The following UBR3 variants were observed in gnomAD, a reference collection of about 807,000 sequenced individuals.
The protein encoded by UBR3 is ubiquitin protein ligase E3 component n-recognin 3, also known as E3 ubiquitin-protein ligase UBR3.
Under a neutral mutation model 243.2 loss-of-function variants are expected in UBR3, and 85 were observed. That is an observed-to-expected ratio of 0.35 (90% CI 0.29 to 0.42). UBR3 has a LOEUF of 0.42. UBR3 is among the 10% of genes least tolerant of loss of function. The probability of loss-of-function intolerance (pLI) is 1.00; values close to 1 mark genes in which losing one functional copy is unlikely to be tolerated. For missense variants in UBR3, 1,686 were observed against 2,300.8 expected (o/e 0.73, Z 5.47); for synonymous variants, 748 against 799.8 (o/e 0.94, Z 1.09).
At chr2:169,906,272 T>G in intron 10 of UBR3, 108 bp downstream of exon 10, 1 of 1,282,892 alleles carries the variant, frequency 7.8e-7, no homozygotes, top group African/African-American at 1.5e-5. Context: ...TGTTTCAAAT[T>G]GAATTCAGCT....
chr2:169,935,270 A>G (rs1353763238), intron 19 of UBR3, among the ~76,000 whole-genome samples: 1 of 152,146 alleles, frequency 6.6e-6, no homozygotes, highest in African/African-American at 2.4e-5. Flanking sequence ...GACTCAAGTG[A>G]TCTTCCCATC....
intron 36 of UBR3, chr2:170,077,630 G>C: frequency 2.2e-6 from 1 of 453,844 alleles, no homozygotes; most frequent in Non-Finnish European, 3.9e-6. Flanking sequence ...CTGTTGCCCA[G>C]GCTTGAGTGC....
intron 35 of UBR3, among the ~76,000 whole-genome samples, chr2:170,064,229 G>C (rs558605720): frequency 2.6e-5 from 4 of 152,180 alleles, no homozygotes; most frequent in South Asian, 4.2e-4. Context: ...AAGCATAGTA[G>C]ATATCTTTTC....
chr2:169,987,403 AAAAAACAAAAAAAAAAC>A (rs1559161286), intron 25 of UBR3, among the ~76,000 whole-genome samples: 1 of 150,490 alleles, frequency 6.6e-6, no homozygotes, highest in Non-Finnish European at 1.5e-5. Context: ...AAAAAAAAAA[AAAAAACAAAAAAAAAAC>A]AAAAACAATT....
chr2:169,879,931 ATAAT>A (rs2083759150), intron 5 of UBR3, among the ~76,000 whole-genome samples: 1 of 152,234 alleles, frequency 6.6e-6, no homozygotes, highest in African/African-American at 2.4e-5. Flanking sequence ...CTAAACTGTA[ATAAT>A]TCCATTTTGA....
chr2:169,924,031 T>C, intron 12 of UBR3, 37 bp downstream of exon 12: 1 of 1,525,650 alleles, frequency 6.6e-7, no homozygotes, highest in Non-Finnish European at 8.8e-7. Flanking sequence ...TCTTTTTTTT[T>C]TAATTTTCAG....
chr2:170,080,141 G>T, intron 37 of UBR3, 118 bp downstream of exon 37: 1 of 946,250 alleles, frequency 1.1e-6, no homozygotes. Context: ...TACATATAGG[G>T]ATTGTGTGTG....
chr2:169,927,656 A>G (rs781245031), intron 17 of UBR3, among the ~76,000 whole-genome samples: 3 of 151,732 alleles, frequency 2.0e-5, no homozygotes, highest in Non-Finnish European at 4.4e-5. Flanking sequence ...GGACTGAATG[A>G]TGGCTTTGGC....
At chr2:169,904,305 A>G (rs1284044267) in intron 8 of UBR3, among the ~76,000 whole-genome samples, 1 of 152,200 alleles carries the variant, frequency 6.6e-6, no homozygotes, top group African/African-American at 2.4e-5. Context: ...ACTCTAGGTA[A>G]CCATACGCCC....
chr2:169,990,534 A>G (rs966504790), intron 25 of UBR3, among the ~76,000 whole-genome samples: 3 of 152,136 alleles, frequency 2.0e-5, no homozygotes, highest in Non-Finnish European at 4.4e-5. Flanking sequence ...AGATTTGTAA[A>G]CCAAATAATA....
chr2:169,842,507 C>T (rs1479692596), intron 1 of UBR3, among the ~76,000 whole-genome samples: 1 of 152,186 alleles, frequency 6.6e-6, no homozygotes, highest in Non-Finnish European at 1.5e-5. Context: ...TGCAATAAAT[C>T]TTGCTACTGC....
In UBR3 at chr2:169,932,708, C is replaced by T. The variant is rs560430298; in HGVS notation, c.2567-204C>T. 3.9e-5 allele frequency among the ~76,000 whole-genome samples: 6 copies of T among 152,264 alleles called. No homozygotes were observed. The South Asian group carries it at 8.3e-4, about 21-fold the overall frequency. On this transcript the variant is annotated intron_variant, in intron 18 of 38. Coordinates refer to ENST00000272793, the MANE Select transcript of UBR3 (RefSeq NM_172070.4). ...CTTTTGTTCTTTAGTGCTTGCTGAA[C>T]TCAAGAGAACATTCCTGATGATGAA...
chr2:170,052,784 G>A (rs1275517617), intron 32 of UBR3, among the ~76,000 whole-genome samples: 1 of 152,136 alleles, frequency 6.6e-6, no homozygotes, highest in East Asian at 1.9e-4. Context: ...GACTATAGCT[G>A]TAATATTCTC....
intron 24 of UBR3, among the ~76,000 whole-genome samples, chr2:169,961,317 T>G (rs2087561032): frequency 1.3e-5 from 2 of 151,624 alleles, no homozygotes; most frequent in Non-Finnish European, 2.9e-5. Context: ...AAATCTTATT[T>G]TATTGGGGTA....
At chr2:170,033,063 A>C (rs2090722097) in intron 31 of UBR3, among the ~76,000 whole-genome samples, 1 of 152,076 alleles carries the variant, frequency 6.6e-6, no homozygotes, top group Non-Finnish European at 1.5e-5. Flanking sequence ...AGCATACTTA[A>C]GGACAAAGAT....
intron 6 of UBR3, among the ~76,000 whole-genome samples, chr2:169,892,330 T>G (rs1247035698): frequency 1.3e-5 from 2 of 152,180 alleles, no homozygotes; most frequent in African/African-American, 4.8e-5. Context: ...TTGTGACACA[T>G]CTGAGTTGGA....
intron 18 of UBR3, among the ~76,000 whole-genome samples, chr2:169,931,707 CCT>C (rs2086139502): frequency 6.6e-6 from 1 of 151,930 alleles, no homozygotes; most frequent in South Asian, 2.1e-4. Flanking sequence ...ATCTAAATAG[CCT>C]CTCTACTGAA....
intron 8 of UBR3, among the ~76,000 whole-genome samples, chr2:169,901,440 A>G (rs926098722): frequency 2.0e-5 from 3 of 152,142 alleles, no homozygotes; most frequent in African/African-American, 7.2e-5. Context: ...ATATATATTT[A>G]CTGCTTTTCT....
Position 169,947,635 on chromosome 2 carries a change from G to A in UBR3, c.3004G>A (p.Val1002Ile). 8 of 1,542,116 alleles carry A rather than the reference G, an allele frequency of 5.2e-6. No homozygotes were observed. The highest frequency in any genetic ancestry group is 7.0e-6 in the Non-Finnish European group (8 of 1,142,490). ...NMRHFINYVR[V>I]RVPETAPEVK... ...GCGACACTTTATAAACTATGTTAGA[G>A]TAAGAGTTCCAGAGACTGCTCCTGA... is the stretch of plus-strand genomic sequence containing the variant. Residue 1002 changes from valine (V) to isoleucine (I), a missense_variant, in exon 22 of 39, where the codon GTA becomes ATA. Around this residue, in one of 8 missense-constraint regions of UBR3, gnomAD observed 300 missense variants for 314.4 expected, o/e 0.95. Coordinates refer to ENST00000272793, the MANE Select transcript of UBR3 (RefSeq NM_172070.4).
Sources: gnomAD v4.1 joint callset for allele counts (sites outside exome capture counted in the v4.1 genomes callset) on GRCh38, gnomAD v4.1.1 for gene constraint, gnomAD v4.1.1 regional missense constraint, MANE v1.5 for transcripts, NCBI Gene and HGNC (gene_info 2026-07-23, HGNC 2026-07-21) for gene names.